The following PPP2R2C variants were observed in gnomAD, a reference collection of about 807,000 sequenced individuals.
The protein encoded by PPP2R2C is protein phosphatase 2 regulatory subunit Bgamma.
In PPP2R2C, 10 loss-of-function variants were observed where a neutral mutation model predicts 45.3. The ratio of observed to expected loss-of-function variants is 0.22; its 90% CI spans 0.14 to 0.37. The LOEUF (loss-of-function observed/expected upper bound fraction) is 0.37. Among genes scored for constraint, PPP2R2C ranks in the 10% least tolerant of loss-of-function variants. PPP2R2C has a pLI of 1.00. For synonymous variants in PPP2R2C, 257 were observed against 245.4 expected, an observed-to-expected ratio of 1.05 and a Z score of -0.44; for missense variants, 308 against 619.7, an observed-to-expected ratio of 0.50 and a Z score of 5.34.
intron 1 of PPP2R2C, among the ~76,000 whole-genome samples, chr4:6,553,880 C>G (rs1338048624): frequency 6.6e-6 from 1 of 152,148 alleles, no homozygotes; most frequent in African/African-American, 2.4e-5. Context: ...GTGCCCCCTT[C>G]TCTACCAGGC....
chr4:6,434,509 C>T lies in PPP2R2C; in HGVS notation c.70+37651G>A, dbSNP rs192033074. ...AAGTACCTAAAATTACAGGCATGCA[C>T]CACCACGCCTGGCTAATTTTTGTAG... is the stretch of plus-strand genomic sequence containing the variant. On this transcript the variant is annotated intron_variant, in intron 1 of 8. Coordinates refer to ENST00000382599, the MANE Select transcript of PPP2R2C (RefSeq NM_020416.4). Among the ~76,000 whole-genome samples the T allele has an allele frequency of 2.2e-3, 339 of 152,080 alleles. 3 individuals carry two copies. Among genetic ancestry groups the T allele is most frequent in the African/African-American group, 7.8e-3 (323 of 41,480 alleles).
chr4:6,460,418 C>T (rs969430162), intron 1 of PPP2R2C, among the ~76,000 whole-genome samples: 1 of 152,182 alleles, frequency 6.6e-6, no homozygotes, highest in African/African-American at 2.4e-5. Flanking sequence ...ATCTTGGACT[C>T]CCAAGCTCTA....
rs369450382 is a variant in PPP2R2C at position 6,448,560 on chromosome 4, G to C, written c.70+23600C>G. Among the ~76,000 whole-genome samples the C allele has an allele frequency of 1.1e-4, 16 of 152,100 alleles. No individual in the cohort carries two copies. In the East Asian group the frequency reaches 1.8e-3, roughly 17 times the overall value. On this transcript the variant is annotated intron_variant, in intron 1 of 8. Transcript: ENST00000382599. ...CTGGCCGAGGGGTGAGGAGGCCACC[G>C]CCATCTGGATCGCCCTTCTCTCCCT...
intron 1 of PPP2R2C, among the ~76,000 whole-genome samples, chr4:6,418,563 G>A (rs1159526032): frequency 6.6e-6 from 1 of 152,234 alleles, no homozygotes; most frequent in Admixed American, 6.5e-5. Context: ...GGTAGGGTGG[G>A]ATCAAATCGC....
intron 5 of PPP2R2C, among the ~76,000 whole-genome samples, chr4:6,357,604 G>A (rs985577108): frequency 2.6e-5 from 4 of 152,188 alleles, no homozygotes; most frequent in African/African-American, 9.7e-5. Context: ...GGGTCACACA[G>A]CCTCCCTTCT....
chr4:6,417,156 C>T (rs1052290221), intron 1 of PPP2R2C, among the ~76,000 whole-genome samples: 1 of 152,190 alleles, frequency 6.6e-6, no homozygotes, highest in African/African-American at 2.4e-5. Context: ...CTCCACGGGT[C>T]CAGCCCCTGG....
Position 6,449,022 on chromosome 4 carries a change from C to T in PPP2R2C, c.70+23138G>A, listed in dbSNP as rs143670111. Among the ~76,000 whole-genome samples, 8 of 152,314 alleles carry T rather than the reference C, an allele frequency of 5.3e-5. No homozygotes were observed. In the South Asian group the frequency reaches 6.2e-4, roughly 12 times the overall value. On this transcript the variant is annotated intron_variant, in intron 1 of 8. Coordinates refer to ENST00000382599, the MANE Select transcript of PPP2R2C (RefSeq NM_020416.4). ...AAGCCTTGGGTGATGCTCGGCTCAG[C>T]GGCTGCATGGCTGGCAGGCACAGAG...
rs980949287 is a variant in PPP2R2C at position 6,364,246 on chromosome 4, C to T, written c.625+8277G>A. 2.0e-5 allele frequency among the ~76,000 whole-genome samples: 3 copies of T among 152,090 alleles called. No individual in the cohort carries two copies. The highest frequency in any genetic ancestry group is 6.5e-5 in the Admixed American group (1 of 15,268). ...GATGAGGATGGAGAAACTTCACAGG[C>T]GGAGGGAACAGCCAGTGCAAAATGG... On this transcript the variant is annotated intron_variant, in intron 5 of 8. Transcript: ENST00000382599. This position sits in a 1 kb window ranked among gnomAD's most constrained non-coding sequence, Gnocchi z 5.3.
chr4:6,350,869 T>C (rs981117025), intron 5 of PPP2R2C: 3 of 984,930 alleles, frequency 3.0e-6, no homozygotes, highest in Admixed American at 6.2e-5. Flanking sequence ...GCAGCGTGAG[T>C]GGGAGGTGTG....
At chr4:6,446,731 C>T (rs1416217772) in intron 1 of PPP2R2C, among the ~76,000 whole-genome samples, 5 of 152,244 alleles carry the variant, frequency 3.3e-5, no homozygotes, top group East Asian at 1.9e-4. Flanking sequence ...TCCCCGCCAA[C>T]GGCCCACTGT....
rs965275532 is a variant in PPP2R2C, at chr4:6,329,745, G to A, written c.961-392C>T. ...GGCCAGAGACGGGAGTAGCACCAGG[G>A]AGCAGAGTCCACTGTGACAAACAGA... On this transcript the variant is annotated intron_variant, in intron 7 of 8. Transcript: ENST00000382599. This position sits in a 1 kb window ranked among gnomAD's most constrained non-coding sequence, Gnocchi z 5.8. Among the ~76,000 whole-genome samples the A allele has an allele frequency of 2.6e-5, 4 of 152,204 alleles. No homozygotes were observed. Among genetic ancestry groups the A allele is most frequent in the Non-Finnish European group, 5.9e-5 (4 of 68,042 alleles).
At position 6,513,556 on chromosome 4, in the gene PPP2R2C, T is replaced by C. The variant is rs574508195; in HGVS notation, c.49+21715A>G. Among the ~76,000 whole-genome samples the C allele has an allele frequency of 1.3e-4, 20 of 152,282 alleles. No homozygotes were observed. The South Asian group carries it at 2.5e-3, about 19-fold the overall frequency. On this transcript the variant is annotated intron_variant, in intron 2 of 9. Transcript: ENST00000506140. ...GCCAACCAGCCTGAGAAGCCAGCAATTGCCATGCACAGACCCTATTTGTGC... is the reference window on the plus strand; with the variant it reads ...GCCAACCAGCCTGAGAAGCCAGCAACTGCCATGCACAGACCCTATTTGTGC...
At chr4:6,553,411 G>C (rs62287292) in intron 1 of PPP2R2C, among the ~76,000 whole-genome samples, 1 of 152,278 alleles carries the variant, frequency 6.6e-6, no homozygotes, top group East Asian at 1.9e-4. Flanking sequence ...AAACATCCTC[G>C]TCCCCCTATC....
rs1731658094 is a variant in PPP2R2C at position 6,323,113 on chromosome 4, A to G, written c.*189T>C. On this transcript the variant is annotated 3_prime_UTR_variant, in exon 9 of 9. Coordinates refer to ENST00000382599, the MANE Select transcript of PPP2R2C (RefSeq NM_020416.4). ...TTTTTAAACAGACAATTACTGCCAAACACAATTCTGGCCTAGGAAAGCTGG... is the reference window on the plus strand; with the variant it reads ...TTTTTAAACAGACAATTACTGCCAAGCACAATTCTGGCCTAGGAAAGCTGG... 1.8e-6 allele frequency: 1 copy of G among 571,032 alleles called. No homozygotes were observed. Among genetic ancestry groups the G allele is most frequent in the Admixed American group, 3.6e-5 (1 of 28,074 alleles). 35.4% of individuals were successfully genotyped at this position (571,032 alleles called of 1,614,324 possible).
chr4:6,447,977 A>G (rs1236789989), intron 1 of PPP2R2C, among the ~76,000 whole-genome samples: 1 of 152,070 alleles, frequency 6.6e-6, no homozygotes, highest in Admixed American at 6.5e-5. Context: ...TGATGGAAAT[A>G]TTCTCTGGGC....
chr4:6,355,706 G>C (rs1288035169), intron 5 of PPP2R2C, among the ~76,000 whole-genome samples: 2 of 152,050 alleles, frequency 1.3e-5, no homozygotes, highest in African/African-American at 4.8e-5. Context: ...AGAGTGCTGT[G>C]CTGGCCGGGC....
In PPP2R2C at chr4:6,323,493, G is replaced by A. The variant is rs760251644; in HGVS notation, c.1153C>T (p.Arg385Trp). ...ACGCGCCGTGGCTTGAGCACAGCCC[G>A]GGGCTTGCTGCTTTCCCTCGAGGCC... The part of the protein sequence containing the change: ...LEASRESSKP[R>W]AVLKPRRVCV... The change falls in exon 9 of 9, where the codon CGG (arginine) becomes TGG (tryptophan). Residue 385 changes from arginine to tryptophan, a missense_variant. Transcript: ENST00000382599. The A allele has an allele frequency of 8.1e-6, 13 of 1,608,666 alleles. No individual in the cohort carries two copies. The highest frequency in any genetic ancestry group is 5.0e-5 in the Admixed American group (3 of 59,912).
intron 1 of PPP2R2C, chr4:6,414,086 G>C: frequency 1.0e-6 from 1 of 1,003,560 alleles, no homozygotes; most frequent in South Asian, 2.0e-5. Flanking sequence ...ATGTGTGTGT[G>C]TGTGTGTGTG....
At chr4:6,550,256 G>A (rs979705697) in intron 1 of PPP2R2C, among the ~76,000 whole-genome samples, 32 of 151,976 alleles carry the variant, frequency 2.1e-4, no homozygotes, top group Admixed American at 3.9e-4. Context: ...GCCACCAGCC[G>A]GCACATCCCA....
Sources: gnomAD v4.1 joint callset for allele counts (sites outside exome capture counted in the v4.1 genomes callset) on GRCh38, gnomAD v4.1.1 for gene constraint, Gnocchi (gnomAD v3.1) non-coding constraint, MANE v1.5 for transcripts, NCBI Gene and HGNC (gene_info 2026-07-23, HGNC 2026-07-21) for gene names.